Variants in IMMP2L observed in about 807,000 individuals in gnomAD.
IMMP2L encodes the protein inner mitochondrial membrane peptidase subunit 2, also known as mitochondrial inner membrane protease subunit 2.
IMMP2L carries 18 observed loss-of-function variants against 19.3 expected under a neutral mutation model. That is an observed-to-expected ratio of 0.93 (90% confidence interval 0.64 to 1.38). The LOEUF (loss-of-function observed/expected upper bound fraction) is 1.38. Ranked by LOEUF, IMMP2L falls within the 40% of genes most tolerant of loss-of-function variation. The probability of loss-of-function intolerance (pLI) is 0.00; values close to 1 mark genes in which losing one functional copy is unlikely to be tolerated. For synonymous variants in IMMP2L, 76 were observed against 73.0 expected (o/e 1.04, Z -0.21); for missense variants, 233 against 218.2 (o/e 1.07, Z -0.43).
At chr7:111,099,489 C>T (rs148204084) in intron 3 of IMMP2L, among the ~76,000 whole-genome samples, 49 of 151,726 alleles carry the variant, frequency 3.2e-4, no homozygotes, top group African/African-American at 1.1e-3. Context: ...TTAGTAGAAG[C>T]GTTCTATATT....
chr7:111,492,353 T>C (rs1843183279), intron 2 of IMMP2L: 1 of 979,006 alleles, frequency 1.0e-6, no homozygotes, highest in Non-Finnish European at 1.2e-6. Flanking sequence ...CCACTTACCC[T>C]ATCCCCCATA....
At chr7:110,849,391 A>T (rs1188947621) in intron 5 of IMMP2L, among the ~76,000 whole-genome samples, 1 of 152,170 alleles carries the variant, frequency 6.6e-6, no homozygotes, top group Non-Finnish European at 1.5e-5. Flanking sequence ...CTACGAAATC[A>T]AAAGTCAAAT....
chr7:110,817,635 AAAAG>A (rs1410252997), intron 5 of IMMP2L, among the ~76,000 whole-genome samples: 1 of 152,090 alleles, frequency 6.6e-6, no homozygotes, highest in Non-Finnish European at 1.5e-5. Context: ...ATGGAACCAA[AAAAG>A]AGCCCGCATA....
chr7:111,192,484 TC>T, intron 3 of IMMP2L, among the ~76,000 whole-genome samples: 1 of 152,290 alleles, frequency 6.6e-6, no homozygotes, highest in African/African-American at 2.4e-5. Context: ...CCTTTTCTTT[TC>T]GCTTCTTCCA....
chr7:110,707,152 C>A (rs1156856354), intron 5 of IMMP2L, among the ~76,000 whole-genome samples: 1 of 75,210 alleles, frequency 1.3e-5, no homozygotes, highest in African/African-American at 5.8e-5. Context: ...CTATCCCTCC[C>A]CCCTCCCCCG....
At chr7:111,334,354 C>T (rs542338891) in intron 3 of IMMP2L, among the ~76,000 whole-genome samples, 3 of 152,056 alleles carry the variant, frequency 2.0e-5, no homozygotes, top group African/African-American at 4.8e-5. Context: ...CTTAACAAAA[C>T]GGCCTTCTGT....
At chr7:111,080,291 T>G (rs755578253) in intron 3 of IMMP2L, among the ~76,000 whole-genome samples, 1 of 152,066 alleles carries the variant, frequency 6.6e-6, no homozygotes, top group Non-Finnish European at 1.5e-5. Context: ...ACTCTTCCAT[T>G]AAGAGAATAA....
At chr7:111,541,777 T>G (rs761412143) in intron 1 of IMMP2L, among the ~76,000 whole-genome samples, 1 of 152,070 alleles carries the variant, frequency 6.6e-6, no homozygotes, top group Non-Finnish European at 1.5e-5. Flanking sequence ...ATCTACCAGT[T>G]TTGAAAAATA....
chr7:111,188,833 T>C (rs1808555598), intron 3 of IMMP2L, among the ~76,000 whole-genome samples: 1 of 152,182 alleles, frequency 6.6e-6, no homozygotes, highest in African/African-American at 2.4e-5. Context: ...AGCTTATTAT[T>C]TAGCTATTAG....
chr7:111,475,074 GCTT>G (rs772872230), intron 3 of IMMP2L, among the ~76,000 whole-genome samples: 22 of 152,022 alleles, frequency 1.4e-4, no homozygotes, highest in Admixed American at 7.2e-4. Flanking sequence ...AACCAAGCCA[GCTT>G]CTTCAACAGC....
chr7:111,378,891 G>T (rs890704505), intron 3 of IMMP2L, among the ~76,000 whole-genome samples: 3 of 151,940 alleles, frequency 2.0e-5, no homozygotes, highest in Admixed American at 6.6e-5. Flanking sequence ...AAACAGGTTA[G>T]TATACTCTCT....
chr7:111,132,688 A>G (rs1161298887), intron 3 of IMMP2L, among the ~76,000 whole-genome samples: 1 of 152,020 alleles, frequency 6.6e-6, no homozygotes, highest in Non-Finnish European at 1.5e-5. Flanking sequence ...ATTATTTATT[A>G]TAGTTTAGAT....
intron 3 of IMMP2L, among the ~76,000 whole-genome samples, chr7:111,200,249 C>T (rs757937596): frequency 1.3e-5 from 2 of 152,072 alleles, no homozygotes; most frequent in Non-Finnish European, 2.9e-5. Flanking sequence ...AAGCAGGATT[C>T]ATGATATTGT....
chr7:111,228,519 G>C lies in IMMP2L; in HGVS notation c.239+258719C>G, dbSNP rs182019197. Among the ~76,000 whole-genome samples the C allele has an allele frequency of 5.8e-3, 874 of 151,420 alleles. 4 individuals carry two copies. Among genetic ancestry groups the C allele is most frequent in the Non-Finnish European group, 9.8e-3 (663 of 67,634 alleles). ...AAGACAGCTTCCTGATGGTCCTTGA[G>C]ACCAGATGGCCAAGACCAGTACAGA... On this transcript the variant is annotated intron_variant, in intron 3 of 5. Coordinates refer to ENST00000405709, the MANE Select transcript of IMMP2L (RefSeq NM_032549.4).
chr7:110,950,841 C>CATATAT (rs34797718), intron 4 of IMMP2L, among the ~76,000 whole-genome samples: 3,870 of 100,334 alleles, frequency 0.039, 95 homozygotes, highest in Middle Eastern at 0.048. Flanking sequence ...CAAAATGTGG[C>CATATAT]ATATATATAT....
chr7:111,516,157 A>C (rs562934892), intron 2 of IMMP2L, among the ~76,000 whole-genome samples: 1 of 152,290 alleles, frequency 6.6e-6, no homozygotes, highest in East Asian at 1.9e-4. Flanking sequence ...AAAGCTCTAT[A>C]CTACTATGAA....
intron 3 of IMMP2L, among the ~76,000 whole-genome samples, chr7:110,983,065 A>G: frequency 6.6e-6 from 1 of 152,092 alleles, no homozygotes; most frequent in East Asian, 1.9e-4. Context: ...TCATGCAATT[A>G]TCAACAAATA....
At chr7:110,674,736 A>T (rs1792172014) in intron 5 of IMMP2L, among the ~76,000 whole-genome samples, 1 of 152,208 alleles carries the variant, frequency 6.6e-6, no homozygotes, top group African/African-American at 2.4e-5. Context: ...CTCCAATCTG[A>T]TATCAAAGGT....
At chr7:111,034,614 A>G (rs1214242020) in intron 3 of IMMP2L, among the ~76,000 whole-genome samples, 1 of 152,138 alleles carries the variant, frequency 6.6e-6, no homozygotes, top group Non-Finnish European at 1.5e-5. Context: ...AGAAAATTCT[A>G]TATTGCGGTA....
Sources: gnomAD v4.1 joint callset for allele counts (sites outside exome capture counted in the v4.1 genomes callset) on GRCh38, gnomAD v4.1.1 for gene constraint, MANE v1.5 for transcripts, NCBI Gene and HGNC (gene_info 2026-07-23, HGNC 2026-07-21) for gene names.